EBF4: variants seen among roughly 807,000 people sequenced by gnomAD.
EBF4 encodes EBF transcription factor 4.
A neutral mutation model predicts 67.1 loss-of-function variants in EBF4; 34 were observed. The observed-to-expected ratio is 0.51, with a 90% CI of 0.39 to 0.67. EBF4 has a LOEUF of 0.67. EBF4 is among the 30% of genes least tolerant of loss of function. EBF4 has a pLI of 0.00. For missense variants in EBF4, 837 were observed against 873.3 expected, an observed-to-expected ratio of 0.96 and a Z score of 0.52; for synonymous variants, 387 against 377.7, an observed-to-expected ratio of 1.02 and a Z score of -0.29.
At chr20:2,729,731 C>CA (rs2087789510) in intron 6 of EBF4, among the ~76,000 whole-genome samples, 1 of 152,258 alleles carries the variant, frequency 6.6e-6, no homozygotes, top group African/African-American at 2.4e-5. Context: ...GAAACCAAGA[C>CA]AAAAAGAGTC....
Position 2,696,908 on chromosome 20 carries a change from C to T in EBF4, c.137+3126C>T, listed in dbSNP as rs2087296665. On this transcript the variant is annotated intron_variant, in intron 1 of 16. Transcript: ENST00000609451. This position sits in a 1 kb window ranked among gnomAD's most constrained non-coding sequence, Gnocchi z 4.7. ...TGCCAGCTGGGGCCTTCCCCTAAGGCAAGGGTAGCGGTCCGTTCATCCTTG... is the reference window on the plus strand; with the variant it reads ...TGCCAGCTGGGGCCTTCCCCTAAGGTAAGGGTAGCGGTCCGTTCATCCTTG... 6.6e-6 allele frequency among the ~76,000 whole-genome samples: 1 copy of T among 152,188 alleles called. No individual in the cohort carries two copies. The highest frequency in any genetic ancestry group is 1.5e-5 in the Non-Finnish European group (1 of 68,052).
intron 10 of EBF4, among the ~76,000 whole-genome samples, chr20:2,750,879 G>A (rs897794832): frequency 1.3e-5 from 2 of 152,282 alleles, no homozygotes; most frequent in Non-Finnish European, 1.5e-5. Context: ...GGAATGATAA[G>A]GACCGATCCC....
chr20:2,752,218 C>T, exon 13 of EBF4: 1 of 1,375,532 alleles, frequency 7.3e-7, no homozygotes, highest in Non-Finnish European at 9.4e-7. Flanking sequence ...CTTCAGCAGC[C>T]CGCTGGCCAT....
chr20:2,744,003 C>G (rs996374713), intron 6 of EBF4, among the ~76,000 whole-genome samples: 2 of 152,154 alleles, frequency 1.3e-5, no homozygotes, highest in Non-Finnish European at 2.9e-5. Flanking sequence ...TCCCTGCCCC[C>G]CAACTCACCC....
intron 6 of EBF4, among the ~76,000 whole-genome samples, chr20:2,719,076 T>C (rs2087646193): frequency 6.6e-6 from 1 of 152,140 alleles, no homozygotes; most frequent in Admixed American, 6.5e-5. Context: ...TAGAATCTTT[T>C]TATTATCAAT....
intron 6 of EBF4, among the ~76,000 whole-genome samples, chr20:2,718,312 T>G: frequency 6.6e-6 from 1 of 152,244 alleles, no homozygotes; most frequent in Non-Finnish European, 1.5e-5. Flanking sequence ...TTGAATTGAT[T>G]GGGAAGCATT....
At chr20:2,725,673 G>A (rs569477617) in intron 6 of EBF4, among the ~76,000 whole-genome samples, 2 of 152,152 alleles carry the variant, frequency 1.3e-5, no homozygotes, top group Non-Finnish European at 2.9e-5. Context: ...CCCAAACCGG[G>A]TATGTTTTCC....
chr20:2,713,531 G>A (rs1378063112), intron 6 of EBF4, among the ~76,000 whole-genome samples: 5 of 152,146 alleles, frequency 3.3e-5, no homozygotes, highest in African/African-American at 4.8e-5. Context: ...TACCCTTGAC[G>A]TTTATGATCA....
At chr20:2,757,303 C>T (rs991381950) in intron 15 of EBF4, among the ~76,000 whole-genome samples, 2 of 152,222 alleles carry the variant, frequency 1.3e-5, no homozygotes, top group Non-Finnish European at 2.9e-5. Context: ...TGAGGGCAGT[C>T]AGAGCAACTA....
intron 6 of EBF4, among the ~76,000 whole-genome samples, chr20:2,728,944 G>A (rs1186098989): frequency 6.6e-6 from 1 of 151,976 alleles, no homozygotes; most frequent in Non-Finnish European, 1.5e-5. Flanking sequence ...TAGTAGAGCT[G>A]TTGCAGATAT....
intron 6 of EBF4, among the ~76,000 whole-genome samples, chr20:2,730,690 A>G (rs1183030931): frequency 6.6e-6 from 1 of 152,156 alleles, no homozygotes; most frequent in African/African-American, 2.4e-5. Context: ...GCACACATAC[A>G]TGAAGCACTG....
intron 1 of EBF4, among the ~76,000 whole-genome samples, chr20:2,695,937 C>T (rs2087282466): frequency 6.6e-6 from 1 of 152,110 alleles, no homozygotes; most frequent in Admixed American, 6.5e-5. Context: ...TGTTCTTTTC[C>T]GTGTCCTAGT....
intron 6 of EBF4, among the ~76,000 whole-genome samples, chr20:2,729,102 GGTTT>G (rs1201803804): frequency 6.6e-6 from 1 of 151,700 alleles, no homozygotes; most frequent in African/African-American, 2.4e-5. Context: ...CAATATAATT[GGTTT>G]ATTTTATAAT....
At chr20:2,720,329 C>G (rs2087663501) in intron 6 of EBF4, among the ~76,000 whole-genome samples, 1 of 152,156 alleles carries the variant, frequency 6.6e-6, no homozygotes, top group African/African-American at 2.4e-5. Flanking sequence ...AACTCCTGAT[C>G]TCATGATCCC....
chr20:2,749,739 C>G, exon 9 of EBF4: 3 of 1,545,414 alleles, frequency 1.9e-6, no homozygotes, highest in Non-Finnish European at 2.6e-6. Flanking sequence ...CGGAAACGTG[C>G]TCGTGTGGAG....
intron 4 of EBF4, among the ~76,000 whole-genome samples, chr20:2,706,631 A>C (rs2087463059): frequency 6.6e-6 from 1 of 152,150 alleles, no homozygotes; most frequent in Non-Finnish European, 1.5e-5. Context: ...GAATGGCACC[A>C]GAAGTGTCCC....
chr20:2,721,713 C>T (rs578013241), intron 6 of EBF4, among the ~76,000 whole-genome samples: 1 of 152,288 alleles, frequency 6.6e-6, no homozygotes, highest in East Asian at 1.9e-4. Flanking sequence ...CCTCAGCCTG[C>T]CAAAGTGCTG....
chr20:2,726,071 A>AT (rs143700993), intron 6 of EBF4, among the ~76,000 whole-genome samples: 2,472 of 151,170 alleles, frequency 0.016, 57 homozygotes, highest in African/African-American at 0.056. Flanking sequence ...CTCTACATGT[A>AT]TTTTTTTTTC....
In EBF4 at chr20:2,746,775, T is replaced by A. The variant is rs538820064; in HGVS notation, c.558-1774T>A. On this transcript the variant is annotated intron_variant, in intron 6 of 16. Transcript: ENST00000609451. Reference sequence around the variant, plus strand: ...CAGGTTTGGGACTCTTGTATTTGCTTTAGTAAATAGTATGGTAAAAATATC... The same window carrying A: ...CAGGTTTGGGACTCTTGTATTTGCTATAGTAAATAGTATGGTAAAAATATC... Among the ~76,000 whole-genome samples the A allele has an allele frequency of 9.2e-5, 14 of 152,236 alleles. No homozygotes were observed. The East Asian group carries it at 2.5e-3, about 27-fold the overall frequency.
Sources: gnomAD v4.1 joint callset for allele counts (sites outside exome capture counted in the v4.1 genomes callset) on GRCh38, gnomAD v4.1.1 for gene constraint, Gnocchi (gnomAD v3.1) non-coding constraint, MANE v1.5 for transcripts, NCBI Gene and HGNC (gene_info 2026-07-23, HGNC 2026-07-21) for gene names.